The following AFAP1L2 variants were observed in gnomAD, a reference collection of about 807,000 sequenced individuals.
AFAP1L2 encodes actin filament associated protein 1 like 2.
In AFAP1L2, 46 loss-of-function variants were observed where a neutral mutation model predicts 99.3. The ratio of observed to expected loss-of-function variants is 0.46; its 90% CI spans 0.37 to 0.59. The LOEUF is 0.59. Among genes scored for constraint, AFAP1L2 ranks in the 20% least tolerant of loss-of-function variants. The pLI, the probability that AFAP1L2 is intolerant of heterozygous loss-of-function variation, is 0.00. For missense variants in AFAP1L2, 959 were observed against 1,034.9 expected, an observed-to-expected ratio of 0.93 and a Z score of 1.01; for synonymous variants, 397 against 419.1, an observed-to-expected ratio of 0.95 and a Z score of 0.64.
the AFAP1L2 span, among the ~76,000 whole-genome samples, chr10:114,286,714 T>C: frequency 6.6e-6 from 1 of 152,188 alleles, no homozygotes; most frequent in South Asian, 2.1e-4. Flanking sequence ...TCCTGAGAGA[T>C]CTTTAGTGAG....
intron 4 of AFAP1L2, among the ~76,000 whole-genome samples, chr10:114,327,523 G>A (rs571473892): frequency 7.2e-5 from 11 of 152,196 alleles, no homozygotes; most frequent in African/African-American, 2.6e-4. Context: ...CTGCGTGAGC[G>A]AGTCAGGCTT....
chr10:114,308,526 A>G lies in AFAP1L2; in HGVS notation c.883-9T>C. ...TTCTCAGCTATATCTGGCTATGGAC[A>G]AAAGCGACATGAATGGGGATCACTG... is the stretch of plus-strand genomic sequence containing the variant. On this transcript the variant is annotated splice_polypyrimidine_tract_variant and intron_variant, in intron 8 of 18. Coordinates refer to ENST00000304129, the MANE Select transcript of AFAP1L2 (RefSeq NM_001001936.3). 6.2e-7 allele frequency: 1 copy of G among 1,613,216 alleles called. No individual in the cohort carries two copies. Among genetic ancestry groups the G allele is most frequent in the Non-Finnish European group, 8.5e-7 (1 of 1,179,234 alleles).
intron 1 of AFAP1L2, among the ~76,000 whole-genome samples, chr10:114,399,988 A>G (rs2138411454): frequency 6.6e-6 from 1 of 152,344 alleles, no homozygotes; most frequent in South Asian, 2.1e-4. Context: ...TGGAGAGCTC[A>G]GCAGTTTGCC....
At position 114,301,067 on chromosome 10, in the gene AFAP1L2, C is replaced by A. The variant is rs545960749; in HGVS notation, c.1542+287G>T. ...TCAACAACCGATTTGGACCTGGAAG[C>A]CTACTGGTACCTCCACTCCCAATCC... On this transcript the variant is annotated intron_variant, in intron 13 of 18. Coordinates refer to ENST00000304129, the MANE Select transcript of AFAP1L2 (RefSeq NM_001001936.3). Among the ~76,000 whole-genome samples the A allele has an allele frequency of 5.3e-5, 8 of 152,272 alleles. No homozygotes were observed. In the East Asian group the frequency reaches 1.5e-3, roughly 29 times the overall value.
chr10:114,292,492 G>A (rs72823075), downstream of AFAP1L2, among the ~76,000 whole-genome samples: 8,242 of 151,462 alleles, frequency 0.054, 287 homozygotes, highest in Middle Eastern at 0.092. Flanking sequence ...AGTTTTTAAA[G>A]AAATATTTCA....
chr10:114,299,494 G>A, intron 15 of AFAP1L2, 79 bp from the exon 16 acceptor site: 1 of 1,559,280 alleles, frequency 6.4e-7, no homozygotes, highest in Non-Finnish European at 8.7e-7. Context: ...CCCAGGCTCG[G>A]ATAGAACCTG....
intron 4 of AFAP1L2, among the ~76,000 whole-genome samples, chr10:114,330,268 G>A (rs1187371856): frequency 2.6e-5 from 4 of 152,162 alleles, no homozygotes; most frequent in African/African-American, 4.8e-5. Flanking sequence ...CCCCCTCCAC[G>A]GAAACATGAG....
rs148883489 is a variant in AFAP1L2, at chr10:114,314,191, G to A, written c.613-141C>T. 5.5e-5 allele frequency: 40 copies of A among 722,398 alleles called. 1 individual carries two copies. Among genetic ancestry groups the A allele is most frequent in the East Asian group, 4.1e-4 (15 of 36,896 alleles). The allele number at this position is 722,398 out of a possible 1,614,324, so 44.7% of individuals were successfully genotyped here. Reference sequence around the variant, plus strand: ...GCAAGACTAAGAGGCTGGACACCCCGAAGCAGGCCTGGAGCCTTAACCTCA... The same window carrying A: ...GCAAGACTAAGAGGCTGGACACCCCAAAGCAGGCCTGGAGCCTTAACCTCA... On this transcript the variant is annotated intron_variant, in intron 6 of 18. Coordinates refer to ENST00000304129, the MANE Select transcript of AFAP1L2 (RefSeq NM_001001936.3).
At chr10:114,331,979 C>T in intron 3 of AFAP1L2, 82 bp from the exon 4 acceptor site, 1 of 909,814 alleles carries the variant, frequency 1.1e-6, no homozygotes. Flanking sequence ...TGCCCGGTCA[C>T]ATGCACCCTG....
intron 1 of AFAP1L2, among the ~76,000 whole-genome samples, chr10:114,346,599 G>T (rs2049617794): frequency 6.6e-6 from 1 of 152,142 alleles, no homozygotes; most frequent in Non-Finnish European, 1.5e-5. Context: ...CTGAGGCCCT[G>T]GAACTCGCTC....
chr10:114,315,411 C>T (rs2043959700), intron 6 of AFAP1L2, 149 bp downstream of exon 6: 1 of 762,002 alleles, frequency 1.3e-6, no homozygotes, highest in Non-Finnish European at 2.1e-6. Flanking sequence ...ATCCTGTATA[C>T]AATTTCAGAT....
At chr10:114,289,801 C>T in the AFAP1L2 span, 2 of 416,344 alleles carry the variant, frequency 4.8e-6, no homozygotes, top group South Asian at 5.0e-5. Context: ...CTAAAGATCC[C>T]ACATTCACAC....
At chr10:114,379,064 T>A (rs113395308) in intron 1 of AFAP1L2, among the ~76,000 whole-genome samples, 4 of 145,450 alleles carry the variant, frequency 2.8e-5, no homozygotes, top group African/African-American at 7.4e-5. Context: ...TACAAAAAAA[T>A]TAGCCAGGTA....
rs564265348 is a variant in AFAP1L2 at position 114,323,159 on chromosome 10, G to T, written c.406+12C>A. The T allele has an allele frequency of 1.9e-6, 3 of 1,581,666 alleles. No homozygotes were observed. The highest frequency in any genetic ancestry group is 1.3e-5 in the African/African-American group (1 of 74,202). On this transcript the variant is annotated intron_variant, in intron 5 of 18. Coordinates refer to ENST00000304129, the MANE Select transcript of AFAP1L2 (RefSeq NM_001001936.3). ...TAAGTCACCCTCCCAAGCCCCAGCCGCTGGGATGTACCATTGAGGGATGTG... is the reference window on the plus strand; with the variant it reads ...TAAGTCACCCTCCCAAGCCCCAGCCTCTGGGATGTACCATTGAGGGATGTG...
intron 1 of AFAP1L2, among the ~76,000 whole-genome samples, chr10:114,346,606 G>A (rs554209145): frequency 1.2e-4 from 18 of 152,152 alleles, no homozygotes; most frequent in Admixed American, 9.8e-4. Context: ...CCTGGAACTC[G>A]CTCACCACAT....
downstream of AFAP1L2, chr10:114,290,142 T>A: frequency 6.8e-7 from 1 of 1,474,272 alleles, no homozygotes; most frequent in Non-Finnish European, 9.1e-7. Context: ...GACATGACTC[T>A]AGTAGCCTTG....
chr10:114,355,257 T>TC (rs1491471709), intron 1 of AFAP1L2, among the ~76,000 whole-genome samples: 6 of 19,294 alleles, frequency 3.1e-4, no homozygotes, highest in Admixed American at 7.6e-4. Flanking sequence ...TCGCTCTCTC[T>TC]TTTTTTTTTT....
intron 1 of AFAP1L2, among the ~76,000 whole-genome samples, chr10:114,364,338 G>A (rs996832569): frequency 6.6e-6 from 1 of 152,156 alleles, no homozygotes; most frequent in African/African-American, 2.4e-5. Flanking sequence ...ATTCTCTCGC[G>A]GTTCTGGAGG....
intron 1 of AFAP1L2, among the ~76,000 whole-genome samples, chr10:114,366,705 C>T (rs759264701): frequency 2.6e-5 from 4 of 152,166 alleles, no homozygotes; most frequent in Admixed American, 6.5e-5. Context: ...CGGTGGCTCA[C>T]GCCTGTAATC....
Sources: allele counts gnomAD v4.1 joint callset (sites outside exome capture counted in the v4.1 genomes callset), GRCh38; gene constraint gnomAD v4.1.1; transcripts MANE v1.5; gene names NCBI Gene and HGNC (gene_info 2026-07-23, HGNC 2026-07-21).